Variants in FREM2 observed in about 807,000 individuals in gnomAD.
FREM2 encodes the protein FRAS1-related extracellular matrix protein 2.
In FREM2, 119 loss-of-function variants were observed where a neutral mutation model predicts 219.9. The ratio of observed to expected loss-of-function variants is 0.54; its 90% CI spans 0.47 to 0.63. The LOEUF (loss-of-function observed/expected upper bound fraction) is 0.63, where lower values mean the gene tolerates loss of function less well. FREM2 is among the 30% of genes least tolerant of loss of function. The probability of loss-of-function intolerance (pLI) is 0.00; values close to 1 mark genes in which losing one functional copy is unlikely to be tolerated. For synonymous variants in FREM2, 1,562 were observed against 1,522.8 expected, an observed-to-expected ratio of 1.03 and a Z score of -0.60; for missense variants, 4,030 against 3,993.6, an observed-to-expected ratio of 1.01 and a Z score of -0.25.
chr13:38,876,082 GC>G lies in FREM2; in HGVS notation c.8344del (p.Leu2782SerfsTer2), dbSNP rs1878328206. The G allele has an allele frequency of 2.5e-6, 4 of 1,613,896 alleles. No homozygotes were observed. The highest frequency in any genetic ancestry group is 3.4e-6 in the Non-Finnish European group (4 of 1,179,910). ...CATCCAGGCCTGACATTTTCCCTCC[GC>G]CTCATAAGGAGTGAACCAACCTATA... The part of the protein sequence containing the change: ...ADHPGLTFSL[R>X]LIRSEPTYNQ... On this transcript the variant is annotated frameshift_variant, in exon 19 of 24. Transcript: ENST00000280481. LOFTEE classifies it high-confidence loss of function.
chr13:38,841,949 G>A (rs895634941), intron 6 of FREM2, among the ~76,000 whole-genome samples: 13 of 152,152 alleles, frequency 8.5e-5, no homozygotes, highest in Admixed American at 2.6e-4. Context: ...CACAGTGATG[G>A]TAGAAGTTGA....
intron 6 of FREM2, among the ~76,000 whole-genome samples, chr13:38,799,638 G>A (rs2137848643): frequency 6.6e-6 from 1 of 151,902 alleles, no homozygotes; most frequent in East Asian, 1.9e-4. Context: ...ATGAATCTTG[G>A]TGCTCTAGTT....
In FREM2 at chr13:38,689,194, C is replaced by G. The variant is rs199905904; in HGVS notation, c.1850C>G (p.Pro617Arg). 9.9e-6 allele frequency: 16 copies of G among 1,613,976 alleles called. No homozygotes were observed. Among genetic ancestry groups the G allele is most frequent in the Non-Finnish European group, 1.7e-6 (2 of 1,180,030 alleles). ...CATCTGCTTCTCCGCCAAACTCACCCTCCCCATGAGAAGCAGGAACTTCTC... is the reference window on the plus strand; with the variant it reads ...CATCTGCTTCTCCGCCAAACTCACCGTCCCCATGAGAAGCAGGAACTTCTC... ...TGHLLLRQTH[P>R]PHEKQELLRG... Residue 617 changes from proline (P) to arginine (R), a missense_variant, in exon 1 of 24, where the codon CCT (proline) becomes CGT (arginine). This residue lies in a region of FREM2 where 3,102 missense variants were observed against 2,950.7 expected (regional missense o/e 1.05). Transcript: ENST00000280481.
chr13:38,843,152 T>A (rs529548019), intron 6 of FREM2, among the ~76,000 whole-genome samples: 1 of 152,284 alleles, frequency 6.6e-6, no homozygotes, highest in South Asian at 2.1e-4. Flanking sequence ...GGTGGAGTGA[T>A]GAGCAAGGAC....
At chr13:38,756,524 C>CTTTTTT (rs1187227144) in intron 2 of FREM2, among the ~76,000 whole-genome samples, 1 of 103,520 alleles carries the variant, frequency 9.7e-6, no homozygotes. Context: ...GGTTGGGGAC[C>CTTTTTT]TTTTTTTTTT....
At position 38,850,147 on chromosome 13, in the gene FREM2, A is replaced by C; in HGVS notation, c.6489A>C (p.Arg2163Ser). ...TGDVQYRSSVRCYTRQGSAQV... is the reference protein window; with the variant it reads ...TGDVQYRSSVSCYTRQGSAQV... ...ATGTCCAGTACAGATCTTCAGTGAG[A>C]TGCTACACCCGGCAGGGGTCTGCAC... The change falls in exon 9 of 24, where the codon AGA (arginine) becomes AGC (serine). Residue 2163 changes from arginine to serine, a missense_variant. Around this residue, in one of 2 missense-constraint regions of FREM2, gnomAD observed 3,102 missense variants for 2,950.7 expected, o/e 1.05. Coordinates refer to ENST00000280481, the MANE Select transcript of FREM2 (RefSeq NM_207361.6). 6.2e-7 allele frequency: 1 copy of C among 1,614,052 alleles called. No homozygotes were observed. The highest frequency in any genetic ancestry group is 8.5e-7 in the Non-Finnish European group (1 of 1,179,914).
At chr13:38,828,084 T>G (rs1876363122) in intron 6 of FREM2, among the ~76,000 whole-genome samples, 1 of 152,182 alleles carries the variant, frequency 6.6e-6, no homozygotes, top group South Asian at 2.1e-4. Flanking sequence ...ATACATCCAA[T>G]AACATGCACA....
chr13:38,737,694 T>G (rs1872055147), intron 2 of FREM2, among the ~76,000 whole-genome samples: 1 of 152,218 alleles, frequency 6.6e-6, no homozygotes, highest in Non-Finnish European at 1.5e-5. Flanking sequence ...GACTGCATCA[T>G]GTATCTGGAC....
chr13:38,697,584 GA>G, intron 1 of FREM2, 113 bp from the exon 2 acceptor site: 1 of 709,092 alleles, frequency 1.4e-6, no homozygotes, highest in Non-Finnish European at 2.5e-6. Context: ...CTGTTAGGAG[GA>G]AAAAGGAATT....
rs565264429 is a variant in FREM2, at chr13:38,881,625, G to C, written c.*838G>C. On this transcript the variant is annotated 3_prime_UTR_variant, in exon 24 of 24. Transcript: ENST00000280481. The stretch of plus-strand genomic sequence containing the variant: ...ATTTTGGTGATGAATAAATGCCATA[G>C]AGTTAGAGTCACTACAAGACAATGT... 6.6e-6 allele frequency: 1 copy of C among 152,656 alleles called. No homozygotes were observed. The allele number at this position is 152,656 out of a possible 1,614,324, so 9.5% of individuals were successfully genotyped here.
At chr13:38,834,718 CAT>C (rs1319196716) in intron 6 of FREM2, among the ~76,000 whole-genome samples, 3 of 152,138 alleles carry the variant, frequency 2.0e-5, no homozygotes, top group African/African-American at 7.2e-5. Flanking sequence ...GAGCTTTTTT[CAT>C]ATGTTTGTTG....
intron 6 of FREM2, among the ~76,000 whole-genome samples, chr13:38,841,706 C>T (rs1876971033): frequency 6.6e-6 from 1 of 152,176 alleles, no homozygotes; most frequent in Non-Finnish European, 1.5e-5. Flanking sequence ...GGCTTCTTAA[C>T]TGCCACTGCC....
chr13:38,759,466 C>T (rs1481984496), intron 2 of FREM2, among the ~76,000 whole-genome samples: 4 of 143,004 alleles, frequency 2.8e-5, no homozygotes, highest in Admixed American at 7.0e-5. Context: ...AAAAAAAAAA[C>T]GACTGAGTTT....
chr13:38,847,142 C>T (rs1877189656), intron 7 of FREM2, among the ~76,000 whole-genome samples: 1 of 152,134 alleles, frequency 6.6e-6, no homozygotes, highest in African/African-American at 2.4e-5. Flanking sequence ...CTTATTTTAA[C>T]CATGTGTCCC....
intron 14 of FREM2, 142 bp downstream of exon 14, chr13:38,859,732 C>T (rs1213395720): frequency 2.3e-6 from 2 of 869,564 alleles, no homozygotes; most frequent in African/African-American, 3.4e-5. Context: ...TCTATTTTTA[C>T]AAAATTATGT....
intron 2 of FREM2, among the ~76,000 whole-genome samples, chr13:38,711,614 T>C (rs913414902): frequency 1.3e-5 from 2 of 152,320 alleles, no homozygotes; most frequent in Admixed American, 1.3e-4. Flanking sequence ...TGGATTGTTT[T>C]TTAAATAGAA....
intron 6 of FREM2, among the ~76,000 whole-genome samples, chr13:38,845,696 A>T (rs953089806): frequency 6.6e-6 from 1 of 152,180 alleles, no homozygotes; most frequent in Non-Finnish European, 1.5e-5. Context: ...TTACAGTAAG[A>T]TCACAAATTA....
At chr13:38,788,984 A>G (rs1466225911) in intron 6 of FREM2, among the ~76,000 whole-genome samples, 2 of 152,116 alleles carry the variant, frequency 1.3e-5, no homozygotes, top group African/African-American at 4.8e-5. Context: ...AGCCACCCAT[A>G]TATGCTTGAA....
intron 6 of FREM2, 39 bp downstream of exon 6, chr13:38,784,847 A>G: frequency 6.2e-7 from 1 of 1,608,426 alleles, no homozygotes; most frequent in Non-Finnish European, 8.5e-7. Flanking sequence ...TTTCCCGGGA[A>G]GATCAACATC....
Sources: allele counts gnomAD v4.1 joint callset (sites outside exome capture counted in the v4.1 genomes callset), GRCh38; gene constraint gnomAD v4.1.1; regional missense constraint gnomAD v4.1.1; transcripts MANE v1.5; gene names NCBI Gene and HGNC (gene_info 2026-07-23, HGNC 2026-07-21).